Variants in LRMDA observed in about 807,000 individuals in gnomAD.
LRMDA encodes the protein leucine rich melanocyte differentiation associated.
LRMDA carries 18 observed loss-of-function variants against 29.8 expected under a neutral mutation model. The ratio of observed to expected loss-of-function variants is 0.60; its 90% confidence interval spans 0.42 to 0.90. The LOEUF is 0.90. LRMDA is among the 40% of genes least tolerant of loss of function. The pLI is 0.00. For synonymous variants in LRMDA, 125 were observed against 109.4 expected, an observed-to-expected ratio of 1.14 and a Z score of -0.89; for missense variants, 273 against 273.9, an observed-to-expected ratio of 1.00 and a Z score of 0.02.
chr10:75,456,973 G>A (rs1844524811), intron 2 of LRMDA, among the ~76,000 whole-genome samples: 2 of 152,160 alleles, frequency 1.3e-5, no homozygotes, highest in Non-Finnish European at 2.9e-5. Context: ...ACCTCACGTG[G>A]CGGTAAAATG....
At chr10:75,892,825 T>C (rs1845516775) in intron 2 of LRMDA, among the ~76,000 whole-genome samples, 1 of 152,148 alleles carries the variant, frequency 6.6e-6, no homozygotes, top group African/African-American at 2.4e-5. Context: ...AAAACATTCC[T>C]CATTTTTAAA....
chr10:75,552,145 G>T (rs1211986054), intron 2 of LRMDA, among the ~76,000 whole-genome samples: 1 of 152,076 alleles, frequency 6.6e-6, no homozygotes, highest in Non-Finnish European at 1.5e-5. Context: ...TCTTTCTGTA[G>T]ATCTGAATTT....
intron 2 of LRMDA, among the ~76,000 whole-genome samples, chr10:75,523,572 C>T (rs1845385057): frequency 6.6e-6 from 1 of 152,176 alleles, no homozygotes; most frequent in South Asian, 2.1e-4. Flanking sequence ...CAGTCTCTAC[C>T]TGTGGTGGGT....
At chr10:76,114,515 G>A (rs914886511) in intron 5 of LRMDA, among the ~76,000 whole-genome samples, 7 of 152,190 alleles carry the variant, frequency 4.6e-5, no homozygotes, top group Non-Finnish European at 1.0e-4. Context: ...ATGAGGGGTA[G>A]TGGTGGGGGC....
intron 2 of LRMDA, among the ~76,000 whole-genome samples, chr10:75,519,720 A>C (rs919179345): frequency 1.3e-5 from 2 of 152,196 alleles, no homozygotes; most frequent in African/African-American, 2.4e-5. Context: ...TGATCCTGTC[A>C]TTATGACATT....
At chr10:75,967,597 A>G (rs1455378322) in intron 2 of LRMDA, among the ~76,000 whole-genome samples, 1 of 152,232 alleles carries the variant, frequency 6.6e-6, no homozygotes, top group Non-Finnish European at 1.5e-5. Flanking sequence ...GCAGAAAATT[A>G]ACTGGATGTC....
At chr10:76,231,824 C>T (rs1303170438) in intron 5 of LRMDA, among the ~76,000 whole-genome samples, 1 of 152,094 alleles carries the variant, frequency 6.6e-6, no homozygotes, top group Non-Finnish European at 1.5e-5. Context: ...AAGGGCATAT[C>T]CACAAAATCT....
chr10:76,502,076 A>G (rs371389131), intron 6 of LRMDA, among the ~76,000 whole-genome samples: 2 of 151,954 alleles, frequency 1.3e-5, no homozygotes, highest in African/African-American at 4.8e-5. Context: ...TCTTCTGTAT[A>G]TGGCTAGCCA....
intron 6 of LRMDA, among the ~76,000 whole-genome samples, chr10:76,341,444 A>G (rs1186134506): frequency 1.3e-5 from 2 of 152,230 alleles, no homozygotes; most frequent in Admixed American, 6.5e-5. Flanking sequence ...TGATTAAAAC[A>G]TATCAAACTC....
intron 5 of LRMDA, among the ~76,000 whole-genome samples, chr10:76,176,174 G>A (rs1206490820): frequency 6.6e-6 from 1 of 152,150 alleles, no homozygotes; most frequent in Non-Finnish European, 1.5e-5. Context: ...GTCTTCCACA[G>A]GTGTATGGGC....
chr10:75,906,516 A>T (rs1845761526), intron 2 of LRMDA, among the ~76,000 whole-genome samples: 2 of 152,146 alleles, frequency 1.3e-5, no homozygotes, highest in Non-Finnish European at 2.9e-5. Context: ...CATGCTGCTT[A>T]CCATATTAAT....
chr10:76,044,984 C>T (rs2132038622), intron 3 of LRMDA, among the ~76,000 whole-genome samples: 1 of 150,652 alleles, frequency 6.6e-6, no homozygotes, highest in Non-Finnish European at 1.5e-5. Flanking sequence ...CTACTTTCCC[C>T]TCCCTTGCTA....
intron 2 of LRMDA, among the ~76,000 whole-genome samples, chr10:75,530,413 A>G (rs1173342468): frequency 6.6e-6 from 1 of 152,182 alleles, no homozygotes; most frequent in African/African-American, 2.4e-5. Context: ...ACGGCAATGC[A>G]TGGAGCACCT....
intron 2 of LRMDA, among the ~76,000 whole-genome samples, chr10:75,964,593 C>G (rs543916074): frequency 6.6e-6 from 1 of 152,266 alleles, no homozygotes; most frequent in South Asian, 2.1e-4. Context: ...ATTAGGAGGA[C>G]AGTTCTATGA....
chr10:75,842,268 T>C (rs911446671), intron 2 of LRMDA, among the ~76,000 whole-genome samples: 1 of 152,250 alleles, frequency 6.6e-6, no homozygotes, highest in African/African-American at 2.4e-5. Flanking sequence ...GTGCTTCTCA[T>C]TAGTAAGCTG....
At chr10:75,777,468 G>C (rs888765406) in intron 2 of LRMDA, among the ~76,000 whole-genome samples, 8 of 152,232 alleles carry the variant, frequency 5.3e-5, no homozygotes, top group Non-Finnish European at 1.0e-4. Context: ...AGACAGAGCT[G>C]TCCCATGGCA....
rs368160874 is a variant in LRMDA, at chr10:76,540,199, CAT to C, written c.602-17009_602-17008del. Among the ~76,000 whole-genome samples the C allele has an allele frequency of 9.3e-5, 14 of 150,680 alleles. No homozygotes were observed. The East Asian group carries it at 1.5e-3, about 17-fold the overall frequency. On this transcript the variant is annotated intron_variant, in intron 6 of 6. Transcript: ENST00000611255. ...TGCAACACACATTAGTGCCTGCACA[CAT>C]GTGCACATGTGCACACATTGAGCAA...
intron 2 of LRMDA, among the ~76,000 whole-genome samples, chr10:75,894,962 A>G (rs1345172331): frequency 2.0e-5 from 3 of 152,210 alleles, no homozygotes; most frequent in Non-Finnish European, 4.4e-5. Flanking sequence ...GAAACTGGTT[A>G]AGTAAATTAC....
At chr10:76,373,827 A>G (rs965127186) in intron 6 of LRMDA, among the ~76,000 whole-genome samples, 1 of 152,206 alleles carries the variant, frequency 6.6e-6, no homozygotes, top group African/African-American at 2.4e-5. Context: ...TCTGAATAAC[A>G]TTAGAGTCTC....
Sources: allele counts gnomAD v4.1 joint callset (sites outside exome capture counted in the v4.1 genomes callset), GRCh38; gene constraint gnomAD v4.1.1; transcripts MANE v1.5; gene names NCBI Gene and HGNC (gene_info 2026-07-23, HGNC 2026-07-21).